Variants in KMT2C observed in about 807,000 individuals in gnomAD.
KMT2C encodes lysine methyltransferase 2C.
A neutral mutation model predicts 507.9 loss-of-function variants in KMT2C; 88 were observed. The ratio of observed to expected loss-of-function variants is 0.17; its 90% CI spans 0.15 to 0.21. The LOEUF (loss-of-function observed/expected upper bound fraction) is 0.21. KMT2C is among the 10% of genes least tolerant of loss of function. The pLI, the probability that KMT2C is intolerant of heterozygous loss-of-function variation, is 1.00. For missense variants in KMT2C, 4,954 were observed against 5,957.8 expected (o/e 0.83, Z 5.55); for synonymous variants, 2,049 against 2,080.8 (o/e 0.98, Z 0.42).
chr7:152,417,572 T>C (rs1448975372), intron 1 of KMT2C, among the ~76,000 whole-genome samples: 1 of 152,194 alleles, frequency 6.6e-6, no homozygotes, highest in Non-Finnish European at 1.5e-5. Context: ...AGACCAGAAT[T>C]TGACAATAAG....
At chr7:152,153,771 C>G (rs1344037504) in intron 48 of KMT2C, among the ~76,000 whole-genome samples, 2 of 151,602 alleles carry the variant, frequency 1.3e-5, no homozygotes, top group African/African-American at 4.9e-5. Flanking sequence ...AAGTATACAT[C>G]CTTTAATAAG....
rs183501105 is a variant in KMT2C at position 152,205,855 on chromosome 7, T to A, written c.3842-630A>T. ...CTTAAGTGATGGATGACTGTCTGTA[T>A]ATTAACCGGCTAACTGGTACATTAG... On this transcript the variant is annotated intron_variant, in intron 24 of 58. Transcript: ENST00000262189. Among the ~76,000 whole-genome samples the A allele has an allele frequency of 6.4e-4, 98 of 152,318 alleles. 1 individual carries two copies. Among genetic ancestry groups the A allele is most frequent in the African/African-American group, 2.1e-3 (88 of 41,570 alleles).
At position 152,330,181 on chromosome 7, in the gene KMT2C, GAAA is replaced by G. The variant is rs1199518304; in HGVS notation, c.389+417_389+419del. On this transcript the variant is annotated intron_variant, in intron 3 of 58. Transcript: ENST00000262189. ...GGGGGAGGGGTGGTGGGGGGGGGGA[GAAA>G]AAGAAAGAAAAAAAATAGGTTATAA... Among the ~76,000 whole-genome samples, 1,318 of 137,808 alleles carry G rather than the reference GAAA, an allele frequency of 9.6e-3. 28 individuals are homozygous for G. The highest frequency in any genetic ancestry group is 0.029 in the African/African-American group (1,007 of 34,612). The allele number at this position is 137,808 out of a possible 152,430, so 90.4% of individuals were successfully genotyped here.
At chr7:152,332,279 T>C (rs990045432) in intron 2 of KMT2C, among the ~76,000 whole-genome samples, 2 of 152,182 alleles carry the variant, frequency 1.3e-5, no homozygotes, top group Non-Finnish European at 2.9e-5. Context: ...CTGTCTGTCA[T>C]GCTCTATTAC....
At chr7:152,152,667 G>T (rs2129097363) in intron 49 of KMT2C, 38 bp downstream of exon 49, 4 of 1,606,062 alleles carry the variant, frequency 2.5e-6, no homozygotes, top group Non-Finnish European at 3.4e-6. Context: ...TTTGAATCAG[G>T]AATGGATTTG....
intron 2 of KMT2C, among the ~76,000 whole-genome samples, chr7:152,350,290 A>C (rs1040657241): frequency 6.6e-6 from 1 of 152,158 alleles, no homozygotes; most frequent in Non-Finnish European, 1.5e-5. Context: ...ATTTTTAAAA[A>C]CTTATGCTAG....
At chr7:152,255,538 A>G (rs561151925) in intron 9 of KMT2C, among the ~76,000 whole-genome samples, 220 of 152,210 alleles carry the variant, frequency 1.4e-3, no homozygotes, top group African/African-American at 4.8e-3. Flanking sequence ...TGGTGATCCT[A>G]AAGTTTATAC....
intron 1 of KMT2C, among the ~76,000 whole-genome samples, chr7:152,422,702 T>C (rs190770012): frequency 1.9e-3 from 287 of 152,248 alleles, no homozygotes; most frequent in African/African-American, 6.6e-3. Flanking sequence ...TTGAACCTAT[T>C]CTAAGTAGCA....
At chr7:152,207,903 A>C (rs1312737196) in intron 23 of KMT2C, among the ~76,000 whole-genome samples, 4 of 152,208 alleles carry the variant, frequency 2.6e-5, no homozygotes, top group Non-Finnish European at 4.4e-5. Context: ...CCCGGAGAAG[A>C]CAGAGGCCTG....
chr7:152,225,110 TCA>T (rs2094888681), intron 18 of KMT2C, among the ~76,000 whole-genome samples: 1 of 152,174 alleles, frequency 6.6e-6, no homozygotes, highest in Admixed American at 6.5e-5. Flanking sequence ...ATTCTGAAGT[TCA>T]CATTCACTCC....
chr7:152,188,890 T>G (rs1258231216), intron 31 of KMT2C, among the ~76,000 whole-genome samples: 3 of 152,166 alleles, frequency 2.0e-5, no homozygotes, highest in Admixed American at 2.0e-4. Flanking sequence ...ATTACAGGTG[T>G]GAGCCACTGT....
At chr7:152,141,712 C>CAAAAAAAAAAAAA (rs1249621681) in intron 55 of KMT2C, among the ~76,000 whole-genome samples, 51 of 61,854 alleles carry the variant, frequency 8.2e-4, no homozygotes, top group African/African-American at 2.8e-3. Context: ...GACTCTGTCT[C>CAAAAAAAAAAAAA]AAAAAAAAAA....
At chr7:152,375,810 C>T (rs1008289134) in intron 1 of KMT2C, among the ~76,000 whole-genome samples, 9 of 152,090 alleles carry the variant, frequency 5.9e-5, no homozygotes, top group African/African-American at 1.4e-4. Flanking sequence ...TAGTGATCTA[C>T]GATCAGTGAT....
At chr7:152,367,054 G>C (rs997741658) in intron 1 of KMT2C, 36 of 664,490 alleles carry the variant, frequency 5.4e-5, no homozygotes, top group South Asian at 2.6e-4. Flanking sequence ...GGTCTTTCTT[G>C]AAGAAATCTG....
At chr7:152,142,120 A>T (rs1377986694) in intron 55 of KMT2C, among the ~76,000 whole-genome samples, 1 of 152,260 alleles carries the variant, frequency 6.6e-6, no homozygotes, top group African/African-American at 2.4e-5. Flanking sequence ...ATTGTATTTT[A>T]AAAATGTTAT....
At chr7:152,243,610 C>T (rs370017184) in intron 14 of KMT2C, among the ~76,000 whole-genome samples, 3 of 151,934 alleles carry the variant, frequency 2.0e-5, no homozygotes, top group Non-Finnish European at 4.4e-5. Flanking sequence ...GGCGAAACAC[C>T]GTCTCTACTA....
At position 152,230,351 on chromosome 7, in the gene KMT2C, A is replaced by C. The variant is rs990889062; in HGVS notation, c.2770-30T>G. On this transcript the variant is annotated intron_variant, in intron 16 of 58. Coordinates refer to ENST00000262189, the MANE Select transcript of KMT2C (RefSeq NM_170606.3). ...AAAAAGCAAAATACACAGAATACGAAGTTATATTTTTCACTTGTTTTACAC... is the reference window on the plus strand; with the variant it reads ...AAAAAGCAAAATACACAGAATACGACGTTATATTTTTCACTTGTTTTACAC... 4 of 1,015,080 alleles carry C rather than the reference A, an allele frequency of 3.9e-6. No individual in the cohort carries two copies. In the African/African-American group the frequency reaches 6.5e-5, roughly 16 times the overall value. The allele number at this position is 1,015,080 out of a possible 1,614,324, so 62.9% of individuals were successfully genotyped here.
At chr7:152,257,591 T>C (rs1175356310) in intron 9 of KMT2C, among the ~76,000 whole-genome samples, 2 of 152,334 alleles carry the variant, frequency 1.3e-5, no homozygotes, top group East Asian at 3.9e-4. Flanking sequence ...TGTGCTGATG[T>C]TGCTACAACC....
intron 6 of KMT2C, among the ~76,000 whole-genome samples, chr7:152,294,191 T>C (rs1040421777): frequency 4.6e-5 from 7 of 152,198 alleles, no homozygotes; most frequent in African/African-American, 1.2e-4. Context: ...TAAGTAGATA[T>C]ATGCCTAACG....
Sources: gnomAD v4.1 joint callset for allele counts (sites outside exome capture counted in the v4.1 genomes callset) on GRCh38, gnomAD v4.1.1 for gene constraint, MANE v1.5 for transcripts, NCBI Gene and HGNC (gene_info 2026-07-23, HGNC 2026-07-21) for gene names.